The following SLC27A5 variants were observed in gnomAD, a reference collection of about 807,000 sequenced individuals.
The protein encoded by SLC27A5 is solute carrier family 27 member 5.
Under a neutral mutation model 63.1 loss-of-function variants are expected in SLC27A5, and 47 were observed. The observed-to-expected ratio is 0.74, with a 90% CI of 0.59 to 0.95. The LOEUF is 0.95. SLC27A5 is among the 40% of genes least tolerant of loss of function. The probability of loss-of-function intolerance (pLI) is 0.00; values close to 1 mark genes in which losing one functional copy is unlikely to be tolerated. For missense variants in SLC27A5, 940 were observed against 921.0 expected (o/e 1.02, Z -0.27); for synonymous variants, 391 against 403.8 (o/e 0.97, Z 0.38).
intron 3 of SLC27A5, chr19:58,508,728 A>C (rs1237839352): frequency 6.6e-6 from 1 of 151,914 alleles, no homozygotes; most frequent in Non-Finnish European, 1.5e-5. Flanking sequence ...CCCAAAGTGC[A>C]GGGATTATAG....
chr19:58,504,528 A>G (rs1036313681), intron 3 of SLC27A5, among the ~76,000 whole-genome samples: 1 of 124,042 alleles, frequency 8.1e-6, no homozygotes, highest in Admixed American at 1.1e-4. Flanking sequence ...GCGTGCCTGT[A>G]ATCCCAGCTA....
chr19:58,506,836 T>A (rs2053353346), intron 3 of SLC27A5, among the ~76,000 whole-genome samples: 1 of 151,804 alleles, frequency 6.6e-6, no homozygotes, highest in South Asian at 2.1e-4. Context: ...CTCAAACTCC[T>A]GATTTCAGGT....
In SLC27A5 at chr19:58,511,489, G is replaced by A. The variant is rs1391342509; in HGVS notation, c.467C>T (p.Ala156Val). 2 of 1,576,832 alleles carry A rather than the reference G, an allele frequency of 1.3e-6. No homozygotes were observed. The highest frequency in any genetic ancestry group is 1.7e-6 in the Non-Finnish European group (2 of 1,161,576). ...ACCCAGCTCAGCCTTCAGGGCCCAT[G>A]CCGCCTGGCAGGCCCGGGCATCCAG... ...GELDARACQAAWALKAELGDP... is the reference protein window; with the variant it reads ...GELDARACQAVWALKAELGDP... Residue 156 changes from alanine (A) to valine (V), a missense_variant, in exon 1 of 10, where the codon GCA (alanine) becomes GTA (valine). Physicochemically the swap from Ala to Val is moderately conservative, Grantham distance 64 (BLOSUM62 0). Transcript: ENST00000263093.
In SLC27A5 at chr19:58,510,734, G is replaced by T. The variant is rs578261160; in HGVS notation, c.885C>A (p.Thr295=). 7.5e-6 allele frequency: 12 copies of T among 1,609,310 alleles called. No homozygotes were observed. The South Asian group carries it at 1.1e-4, about 15-fold the overall frequency. Residue 295 remains threonine, a synonymous_variant, in exon 2 of 10, where the codon ACC becomes ACA. Coordinates refer to ENST00000263093, the MANE Select transcript of SLC27A5 (RefSeq NM_012254.3). ...GGGCACCCTCACCAGTGGTCCCCGA[G>T]GTATAGATGAAGAGGGCAGGGCTTC... ...TWRSPALFIY[T]SGTTGLPKPA... is the part of the protein sequence containing the mutation.
At chr19:58,508,794 C>A (rs2053376371) in intron 3 of SLC27A5, 1 of 152,120 alleles carries the variant, frequency 6.6e-6, no homozygotes, top group South Asian at 2.1e-4. Context: ...AAAGGCCGGG[C>A]GTGGTGGGTC....
In SLC27A5 at chr19:58,511,765, A is replaced by C; in HGVS notation, c.191T>G (p.Leu64Arg). The C allele has an allele frequency of 6.4e-7, 1 of 1,551,456 alleles. No homozygotes were observed. The highest frequency in any genetic ancestry group is 8.7e-7 in the Non-Finnish European group (1 of 1,147,154). Residue 64 changes from leucine (L) to arginine (R), a missense_variant, in exon 1 of 10, where the codon CTG becomes CGG. By Grantham distance (102) the Leu-to-Arg change is moderately radical. Coordinates refer to ENST00000263093, the MANE Select transcript of SLC27A5 (RefSeq NM_012254.3). ...PWLGPWVPHG[L>R]SLAAAALALT... ...TGCCAGGGCCGCAGCTGCCAGGCTCAGCCCATGGGGCACCCAGGGGCCGAG... is the reference window on the plus strand; with the variant it reads ...TGCCAGGGCCGCAGCTGCCAGGCTCCGCCCATGGGGCACCCAGGGGCCGAG...
chr19:58,506,190 G>C (rs1228327852), intron 3 of SLC27A5, among the ~76,000 whole-genome samples: 1 of 151,764 alleles, frequency 6.6e-6, no homozygotes, highest in Non-Finnish European at 1.5e-5. Flanking sequence ...GTACCCCAAA[G>C]TGCAGGGATT....
chr19:58,503,395 C>G (rs1369154292), intron 3 of SLC27A5, among the ~76,000 whole-genome samples: 1 of 151,998 alleles, frequency 6.6e-6, no homozygotes, highest in African/African-American at 2.4e-5. Flanking sequence ...CGTGGTGGCT[C>G]ACACCTGTTA....
chr19:58,501,553 G>T, intron 3 of SLC27A5, 143 bp from the exon 4 acceptor site: 1 of 885,332 alleles, frequency 1.1e-6, no homozygotes, highest in Non-Finnish European at 1.7e-6. Flanking sequence ...GGCCCAGCCA[G>T]GACTGCTCTC....
chr19:58,504,377 G>A (rs2053317315), intron 3 of SLC27A5, among the ~76,000 whole-genome samples: 1 of 151,988 alleles, frequency 6.6e-6, no homozygotes, highest in Non-Finnish European at 1.5e-5. Flanking sequence ...GGCTGGGCAC[G>A]GTGGCTCACG....
intron 4 of SLC27A5, 140 bp downstream of exon 4, chr19:58,501,146 T>G: frequency 7.7e-7 from 1 of 1,300,466 alleles, no homozygotes; most frequent in Non-Finnish European, 1.0e-6. Flanking sequence ...AAGCCTTGTC[T>G]GAAACTCATT....
intron 3 of SLC27A5, among the ~76,000 whole-genome samples, chr19:58,501,714 C>T (rs139433689): frequency 6.0e-3 from 909 of 152,314 alleles, no homozygotes; most frequent in Non-Finnish European, 9.5e-3. Context: ...CGCTCTGTTG[C>T]CCAGGCTGGA....
At chr19:58,502,333 TAGTG>T (rs1251549003) in intron 3 of SLC27A5, among the ~76,000 whole-genome samples, 5 of 130,978 alleles carry the variant, frequency 3.8e-5, no homozygotes, top group African/African-American at 1.2e-4. Context: ...ACAGTTAGAG[TAGTG>T]AGTGAGTGGA....
rs35752989 is a variant in SLC27A5, at chr19:58,503,204, T to TA, written c.1058-1795dup. ...TGGGCGACAGAGTGAGACTCTGTCT[T>TA]AAAAAAAAAAAAAAAGAAAAAGAGA... is the stretch of plus-strand genomic sequence containing the variant. On this transcript the variant is annotated intron_variant, in intron 3 of 9. Transcript: ENST00000263093. Among the ~76,000 whole-genome samples the TA allele has an allele frequency of 5.4e-3, 685 of 127,394 alleles. 2 individuals carry two copies. Among genetic ancestry groups the TA allele is most frequent in the Admixed American group, 8.9e-3 (113 of 12,722 alleles). 83.6% of individuals were successfully genotyped at this position (127,394 alleles called of 152,430 possible).
At chr19:58,499,444 C>A (rs1294639497) in intron 7 of SLC27A5, 48 bp downstream of exon 7, 2 of 1,589,412 alleles carry the variant, frequency 1.3e-6, no homozygotes, top group African/African-American at 1.3e-5. Context: ...GATCTGAAAG[C>A]GTCCGTGGCC....
Position 58,511,791 on chromosome 19 carries a change from C to G in SLC27A5, c.165G>C (p.Trp55Cys). The change falls in exon 1 of 10, where the codon TGG (tryptophan) becomes TGC (cysteine). Residue 55 changes from tryptophan to cysteine, a missense_variant. By Grantham distance (215) the Trp-to-Cys change is radical. Coordinates refer to ENST00000263093, the MANE Select transcript of SLC27A5 (RefSeq NM_012254.3). ...LLGLAMLARP[W>C]LGPWVPHGLS... is the part of the protein sequence containing the mutation. ...GCCCATGGGGCACCCAGGGGCCGAG[C>G]CAGGGCCGTGCTAACATGGCCAGCC... The G allele has an allele frequency of 6.4e-7, 1 of 1,554,912 alleles. No individual in the cohort carries two copies. The highest frequency in any genetic ancestry group is 8.7e-7 in the Non-Finnish European group (1 of 1,149,664).
At chr19:58,510,638 C>T in intron 2 of SLC27A5, 83 bp downstream of exon 2, 1 of 1,229,384 alleles carries the variant, frequency 8.1e-7, no homozygotes, top group South Asian at 1.6e-5. Context: ...TTTCAGAGGT[C>T]AACACTGAGT....
rs560361088 is a variant in SLC27A5 at position 58,503,137 on chromosome 19, G to A, written c.1058-1727C>T. Among the ~76,000 whole-genome samples, 1,124 of 151,454 alleles carry A rather than the reference G, an allele frequency of 7.4e-3. 3 individuals carry two copies. The highest frequency in any genetic ancestry group is 0.02 in the Middle Eastern group (6 of 294). On this transcript the variant is annotated intron_variant, in intron 3 of 9. Transcript: ENST00000263093. ...GGAGAATGGCGTGAACCTGGGAGGC[G>A]GAGCTTGCAGTGAGCCGAGATAGCG...
At chr19:58,502,426 G>A (rs56391019) in intron 3 of SLC27A5, among the ~76,000 whole-genome samples, 127 of 119,170 alleles carry the variant, frequency 1.1e-3, no homozygotes, top group Non-Finnish European at 1.4e-3. Context: ...TGGATGTGTG[G>A]ACAGTTAGAG....
Sources: allele counts gnomAD v4.1 joint callset (sites outside exome capture counted in the v4.1 genomes callset), GRCh38; gene constraint gnomAD v4.1.1; transcripts MANE v1.5; gene names NCBI Gene and HGNC (gene_info 2026-07-23, HGNC 2026-07-21).